DGKK: variants seen among roughly 807,000 people sequenced by gnomAD.
DGKK encodes the protein diacylglycerol kinase kappa.
Under a neutral mutation model 92.2 loss-of-function variants are expected in DGKK, and 35 were observed. The observed-to-expected ratio is 0.38, with a 90% CI of 0.29 to 0.50. DGKK has a LOEUF of 0.50. Among genes scored for constraint, DGKK ranks in the 20% least tolerant of loss-of-function variants. The probability of loss-of-function intolerance (pLI) is 0.92; values close to 1 mark genes in which losing one functional copy is unlikely to be tolerated. For synonymous variants in DGKK, 368 were observed against 360.6 expected (o/e 1.02, Z -0.23); for missense variants, 910 against 992.2 (o/e 0.92, Z 1.11).
At chrX:50,441,009 A>G (rs782691399) in intron 1 of DGKK, among the ~76,000 whole-genome samples, 9 of 111,579 alleles carry the variant, frequency 8.1e-5, no homozygotes, top group Non-Finnish European at 1.5e-4. Flanking sequence ...TGGTGAGCAG[A>G]ACTTCCACTT....
rs782727134 is a variant in DGKK, at chrX:50,470,379, CTCTGTGGCAGGTTCTGGGGCCGGT to C, written c.276_299del (p.Thr107_Ala114del). On this transcript the variant is annotated inframe_deletion, in exon 1 of 28. Transcript: ENST00000611977. The stretch of plus-strand genomic sequence containing the variant: ...GCTCTGTGGCAGGTTCTGGGGCCGG[CTCTGTGGCAGGTTCTGGGGCCGGT>C]TCTGAGGCCGGCTCTGTGGCTGGTT... 2.5e-6 allele frequency: 3 copies of C among 1,209,940 alleles called. No individual in the cohort carries two copies. In the Admixed American group the frequency reaches 6.5e-5, roughly 26 times the overall value.
intron 7 of DGKK, among the ~76,000 whole-genome samples, chrX:50,401,500 C>T (rs1287580951): frequency 3.6e-5 from 4 of 111,304 alleles, no homozygotes; most frequent in African/African-American, 1.3e-4. Flanking sequence ...ACACTTCAAT[C>T]CTTATAACAA....
chrX:50,384,045 T>A, intron 17 of DGKK, 123 bp downstream of exon 17: 1 of 365,114 alleles, frequency 2.7e-6, no homozygotes, highest in Non-Finnish European at 4.7e-6. Context: ...ACTGGTTTAG[T>A]CACTTGCGTA....
At chrX:50,412,837 G>T (rs782437695) in intron 4 of DGKK, among the ~76,000 whole-genome samples, 1 of 111,292 alleles carries the variant, frequency 9.0e-6, no homozygotes. Context: ...CTTATATGAG[G>T]GGTCCTGAAC....
chrX:50,404,993 C>T (rs903837179), intron 4 of DGKK, among the ~76,000 whole-genome samples: 7 of 111,394 alleles, frequency 6.3e-5, no homozygotes, highest in Admixed American at 1.9e-4. Flanking sequence ...AGGAATACCA[C>T]GCTCTGACTG....
intron 4 of DGKK, among the ~76,000 whole-genome samples, chrX:50,419,762 C>T (rs1230069557): frequency 8.9e-6 from 1 of 112,110 alleles, no homozygotes; most frequent in Non-Finnish European, 1.9e-5. Flanking sequence ...CAGAGTGTAT[C>T]TCCTGAAGTT....
In DGKK at chrX:50,382,476, A is replaced by C. The variant is rs945166912; in HGVS notation, c.2657+20T>G. ...GTGATAGTGTGTTTGCATGTAGGGA[A>C]GGGAGTTTCTTTTCCTTACTTGTAT... is the stretch of plus-strand genomic sequence containing the variant. On this transcript the variant is annotated intron_variant, in intron 18 of 27. Transcript: ENST00000611977. The C allele has an allele frequency of 7.2e-6, 8 of 1,109,418 alleles. No homozygotes were observed. Among genetic ancestry groups the C allele is most frequent in the Non-Finnish European group, 9.9e-6 (8 of 808,185 alleles). The allele number at this position is 1,109,418 out of a possible 1,213,427, so 91.4% of individuals were successfully genotyped here. A position where few individuals can be genotyped will look rare whatever the true frequency, so the allele number is the denominator to read the frequency against.
chrX:50,425,135 A>G (rs1341154930), intron 1 of DGKK, among the ~76,000 whole-genome samples: 4 of 111,607 alleles, frequency 3.6e-5, no homozygotes, highest in African/African-American at 1.3e-4. Flanking sequence ...AACAAGCTGG[A>G]ATCAAATCCA....
At chrX:50,425,849 T>C (rs1925726428) in intron 1 of DGKK, among the ~76,000 whole-genome samples, 1 of 111,787 alleles carries the variant, frequency 8.9e-6, no homozygotes, top group Admixed American at 9.5e-5. Flanking sequence ...AATTGAGTCA[T>C]CCAAGAGAAA....
At chrX:50,376,336 C>T (rs1456168208) in intron 23 of DGKK, among the ~76,000 whole-genome samples, 171 bp from the exon 24 acceptor site, 1 of 111,585 alleles carries the variant, frequency 9.0e-6, no homozygotes, top group East Asian at 2.8e-4. Flanking sequence ...CCTATGCTAG[C>T]AAATGTTTCT....
intron 4 of DGKK, among the ~76,000 whole-genome samples, chrX:50,413,488 A>G (rs1196964396): frequency 8.9e-6 from 1 of 112,655 alleles, no homozygotes; most frequent in Admixed American, 9.4e-5. Context: ...TCCAAAATAT[A>G]TAAGGAACTG....
intron 1 of DGKK, among the ~76,000 whole-genome samples, chrX:50,449,337 A>G (rs1308814304): frequency 9.0e-6 from 1 of 111,587 alleles, no homozygotes; most frequent in African/African-American, 3.3e-5. Context: ...AGGTGATGAA[A>G]TATTCAAATA....
intron 1 of DGKK, among the ~76,000 whole-genome samples, chrX:50,451,087 G>A (rs1213287585): frequency 9.0e-6 from 1 of 111,278 alleles, no homozygotes; most frequent in Non-Finnish European, 1.9e-5. Context: ...AGGGGTGGCA[G>A]GGAGGAAGGC....
Position 50,379,995 on chromosome X carries a change from G to A in DGKK, c.2740C>T (p.Arg914Ter), listed in dbSNP as rs370221683. The change falls in exon 19 of 28, where the codon CGA (arginine) becomes TGA (stop). Residue 914 changes from arginine (R) to a stop codon, truncating the protein, a stop_gained. Transcript: ENST00000611977. LOFTEE classifies it high-confidence loss of function. ...TTTCCACTAACCTCCAAATGCACTC[G>A]TTCTTCCAGTTTCCTGTAAGAGCGC... ...LQRSYRKLEE[R>*]VHLECDGETI... 2 of 1,211,019 alleles carry A rather than the reference G, an allele frequency of 1.7e-6. No homozygotes were observed. The highest frequency in any genetic ancestry group is 2.2e-6 in the Non-Finnish European group (2 of 894,938).
At chrX:50,439,525 C>T (rs1399334695) in intron 1 of DGKK, among the ~76,000 whole-genome samples, 2 of 110,985 alleles carry the variant, frequency 1.8e-5, no homozygotes, top group Non-Finnish European at 3.8e-5. Context: ...TTTTTGACCC[C>T]TAAATTAGAA....
At chrX:50,423,232 C>T (rs1307237260) in intron 2 of DGKK, among the ~76,000 whole-genome samples, 5 of 112,004 alleles carry the variant, frequency 4.5e-5, no homozygotes, top group Non-Finnish European at 7.5e-5. Flanking sequence ...TATACATTTC[C>T]ACCCCATGTC....
intron 1 of DGKK, among the ~76,000 whole-genome samples, chrX:50,455,893 T>C (rs1402062738): frequency 5.4e-5 from 6 of 111,943 alleles, no homozygotes; most frequent in Non-Finnish European, 1.1e-4. Context: ...ATTGTCATAA[T>C]ATACCAATTT....
intron 1 of DGKK, among the ~76,000 whole-genome samples, chrX:50,431,263 C>T (rs1224628372): frequency 3.6e-5 from 4 of 111,136 alleles, no homozygotes; most frequent in Non-Finnish European, 7.5e-5. Context: ...CTCCTGGGCT[C>T]AAGCAATCCT....
chrX:50,455,557 G>T (rs112433565), intron 1 of DGKK, among the ~76,000 whole-genome samples: 1 of 111,145 alleles, frequency 9.0e-6, no homozygotes, highest in African/African-American at 3.3e-5. Flanking sequence ...TTCCCTAAGC[G>T]CAATATATTC....
Sources: gnomAD v4.1 joint callset for allele counts (sites outside exome capture counted in the v4.1 genomes callset) on GRCh38, gnomAD v4.1.1 for gene constraint, MANE v1.5 for transcripts, NCBI Gene and HGNC (gene_info 2026-07-23, HGNC 2026-07-21) for gene names.